Variants in UNC5D observed in about 807,000 individuals in gnomAD.
UNC5D encodes the protein netrin receptor UNC5D.
UNC5D carries 39 observed loss-of-function variants against 105.4 expected under a neutral mutation model. The observed-to-expected ratio is 0.37, with a 90% CI of 0.29 to 0.48. UNC5D has a LOEUF of 0.48. Among genes scored for constraint, UNC5D ranks in the 20% least tolerant of loss-of-function variants. The pLI is 0.98. For synonymous variants in UNC5D, 452 were observed against 450.4 expected, an observed-to-expected ratio of 1.00 and a Z score of -0.04; for missense variants, 991 against 1,202.4, an observed-to-expected ratio of 0.82 and a Z score of 2.60.
intron 1 of UNC5D, among the ~76,000 whole-genome samples, chr8:35,433,397 T>C (rs985429333): frequency 1.3e-5 from 2 of 152,190 alleles, no homozygotes; most frequent in African/African-American, 4.8e-5. Context: ...AATTTCCTTC[T>C]TGCTTTATGA....
At position 35,683,484 on chromosome 8, in the gene UNC5D, T is replaced by C. The variant is rs553619333; in HGVS notation, c.571-63T>C. 2.2e-4 allele frequency: 335 copies of C among 1,513,100 alleles called. 5 individuals are homozygous for C. The South Asian group carries it at 4.4e-3, about 20-fold the overall frequency. The allele number at this position is 1,513,100 out of a possible 1,614,324, so 93.7% of individuals were successfully genotyped here. On this transcript the variant is annotated intron_variant, in intron 4 of 16. Transcript: ENST00000404895. ...CTCCCACACCCGAATCTGCTCACTT[T>C]TCAATTCCAGAAAAGAGTTCTGATT...
intron 3 of UNC5D, among the ~76,000 whole-genome samples, chr8:35,580,718 A>G (rs1800085413): frequency 6.6e-6 from 1 of 152,204 alleles, no homozygotes; most frequent in African/African-American, 2.4e-5. Flanking sequence ...AAACAATGTA[A>G]TGAGCCAGGG....
intron 1 of UNC5D, among the ~76,000 whole-genome samples, chr8:35,437,005 A>AT (rs375175232): frequency 0.015 from 2,246 of 148,672 alleles, 61 homozygotes; most frequent in African/African-American, 0.051. Context: ...ATTTTTAGTC[A>AT]TTTTTTTTTT....
intron 1 of UNC5D, among the ~76,000 whole-genome samples, chr8:35,418,127 TA>T (rs1252804676): frequency 7.2e-5 from 11 of 152,306 alleles, no homozygotes; most frequent in African/African-American, 2.4e-4. Flanking sequence ...TGATTTTAAA[TA>T]TTTTTTTTTA....
At chr8:35,722,472 G>C in intron 9 of UNC5D, 77 bp downstream of exon 9, 1 of 1,516,896 alleles carries the variant, frequency 6.6e-7, no homozygotes, top group Non-Finnish European at 8.8e-7. Flanking sequence ...GCCTTCTCCT[G>C]GGCCCTGTGT....
At chr8:35,407,670 T>C (rs995874253) in intron 1 of UNC5D, among the ~76,000 whole-genome samples, 1 of 152,102 alleles carries the variant, frequency 6.6e-6, no homozygotes, top group Non-Finnish European at 1.5e-5. Context: ...AGTTATTTTT[T>C]CTGATCCTCT....
intron 1 of UNC5D, among the ~76,000 whole-genome samples, chr8:35,505,988 G>C (rs1812281796): frequency 6.6e-6 from 1 of 152,160 alleles, no homozygotes; most frequent in African/African-American, 2.4e-5. Flanking sequence ...GAAATTCCTT[G>C]ACGTGTGTTT....
intron 1 of UNC5D, among the ~76,000 whole-genome samples, chr8:35,508,006 C>T (rs1812449984): frequency 6.6e-6 from 1 of 152,122 alleles, no homozygotes; most frequent in Non-Finnish European, 1.5e-5. Flanking sequence ...TTAGTTGGGA[C>T]CATGCTGGAC....
intron 1 of UNC5D, among the ~76,000 whole-genome samples, chr8:35,260,065 C>T (rs1403658212): frequency 6.6e-6 from 1 of 152,154 alleles, no homozygotes; most frequent in Admixed American, 6.5e-5. Context: ...TTTGCCAAAT[C>T]TCTAACCGCT....
At chr8:35,473,025 T>G (rs1241412063) in intron 1 of UNC5D, among the ~76,000 whole-genome samples, 1 of 152,212 alleles carries the variant, frequency 6.6e-6, no homozygotes, top group African/African-American at 2.4e-5. Context: ...AAATAGAATG[T>G]GAAAATAATA....
intron 4 of UNC5D, among the ~76,000 whole-genome samples, chr8:35,614,069 T>C (rs761671942): frequency 2.6e-5 from 4 of 152,366 alleles, no homozygotes; most frequent in African/African-American, 7.2e-5. Flanking sequence ...TTCTGATGTA[T>C]TAACAGTAGA....
intron 1 of UNC5D, among the ~76,000 whole-genome samples, chr8:35,359,529 A>T (rs1229518716): frequency 6.6e-6 from 1 of 152,210 alleles, no homozygotes; most frequent in East Asian, 1.9e-4. Flanking sequence ...TTGACATGGG[A>T]CATTCTGATT....
At chr8:35,318,235 G>T (rs1295070121) in intron 1 of UNC5D, among the ~76,000 whole-genome samples, 1 of 151,908 alleles carries the variant, frequency 6.6e-6, no homozygotes, top group African/African-American at 2.4e-5. Context: ...TACTTTGTCA[G>T]GGATTTAGAT....
chr8:35,619,697 C>G (rs2131021026), intron 4 of UNC5D, among the ~76,000 whole-genome samples: 1 of 152,284 alleles, frequency 6.6e-6, no homozygotes, highest in Non-Finnish European at 1.5e-5. Flanking sequence ...TAACTTTTTA[C>G]AAACTGTTTG....
At chr8:35,726,101 A>T (rs1169956435) in intron 9 of UNC5D, 51 bp from the exon 10 acceptor site, 2 of 1,562,898 alleles carry the variant, frequency 1.3e-6, no homozygotes. Context: ...GTACAGGAGT[A>T]ACTGAGATGC....
At chr8:35,703,617 C>A (rs1196429338) in intron 7 of UNC5D, among the ~76,000 whole-genome samples, 2 of 152,206 alleles carry the variant, frequency 1.3e-5, no homozygotes, top group African/African-American at 4.8e-5. Flanking sequence ...TTCTACTACT[C>A]CAATTTTTTC....
intron 1 of UNC5D, among the ~76,000 whole-genome samples, chr8:35,377,753 G>A (rs192656299): frequency 1.4e-4 from 22 of 152,266 alleles, no homozygotes; most frequent in East Asian, 7.7e-4. Context: ...ATCTTAGGTC[G>A]CTTTTCTGAA....
intron 1 of UNC5D, among the ~76,000 whole-genome samples, chr8:35,394,922 C>T (rs545112918): frequency 1.3e-5 from 2 of 152,066 alleles, no homozygotes; most frequent in South Asian, 4.2e-4. Flanking sequence ...TTTTTGTATC[C>T]CAGAAACAAG....
intron 4 of UNC5D, among the ~76,000 whole-genome samples, chr8:35,672,565 C>T (rs1370418610): frequency 6.6e-6 from 1 of 152,124 alleles, no homozygotes; most frequent in Admixed American, 6.5e-5. Flanking sequence ...GTAGAAGTAA[C>T]AAAGAGCAAG....
Sources: gnomAD v4.1 joint callset for allele counts (sites outside exome capture counted in the v4.1 genomes callset) on GRCh38, gnomAD v4.1.1 for gene constraint, MANE v1.5 for transcripts, NCBI Gene and HGNC (gene_info 2026-07-23, HGNC 2026-07-21) for gene names.